Variants in ANKS1B observed in about 807,000 individuals in gnomAD.
ANKS1B encodes ankyrin repeat and sterile alpha motif domain containing 1B, also known as ankyrin repeat and sterile alpha motif domain-containing protein 1B.
A neutral mutation model predicts 148.3 loss-of-function variants in ANKS1B; 36 were observed. The observed-to-expected ratio is 0.24, with a 90% CI of 0.19 to 0.32. ANKS1B has a LOEUF of 0.32. Ranked by LOEUF, ANKS1B falls within the 10% of genes least tolerant of loss-of-function variation. The pLI is 1.00. For missense variants in ANKS1B, 1,157 were observed against 1,542.6 expected, an observed-to-expected ratio of 0.75 and a Z score of 4.19; for synonymous variants, 542 against 560.8, an observed-to-expected ratio of 0.97 and a Z score of 0.47.
At position 98,807,844 on chromosome 12, in the gene ANKS1B, A is replaced by G. The variant is rs1430398768; in HGVS notation, c.3141T>C (p.Asn1047=). The change falls in exon 20 of 27, where the codon AAT becomes AAC. Residue 1047 remains asparagine, a splice_region_variant and synonymous_variant. Coordinates refer to ENST00000683438, the MANE Select transcript of ANKS1B (RefSeq NM_001352186.2). ...AGAAAAGAACCATTTGTAACCTTAC[A>G]TTATGAACCTGATGGATCGCTGAGA... The part of the protein sequence containing the change: ...FPFSAIHQVH[N]TGDWGEPSIT... The G allele has an allele frequency of 3.1e-6, 5 of 1,613,040 alleles. No homozygotes were observed. The highest frequency in any genetic ancestry group is 4.2e-6 in the Non-Finnish European group (5 of 1,179,458).
At chr12:98,815,649 C>T (rs977969536) in intron 19 of ANKS1B, among the ~76,000 whole-genome samples, 2 of 152,160 alleles carry the variant, frequency 1.3e-5, no homozygotes, top group African/African-American at 4.8e-5. Flanking sequence ...CTGTGAGCTT[C>T]CTTGTTTTGG....
chr12:99,816,226 T>C (rs970162114), intron 2 of ANKS1B, among the ~76,000 whole-genome samples: 27 of 152,056 alleles, frequency 1.8e-4, no homozygotes, highest in Non-Finnish European at 2.1e-4. Flanking sequence ...TAATTTTTAT[T>C]TCCCTGATGA....
chr12:99,154,769 G>T, intron 14 of ANKS1B: 1 of 1,445,704 alleles, frequency 6.9e-7, no homozygotes, highest in Admixed American at 2.7e-5. Context: ...AGCAATGCAC[G>T]GCCGGCAGCC....
chr12:99,025,808 G>A (rs1456085564), intron 17 of ANKS1B, among the ~76,000 whole-genome samples: 1 of 152,234 alleles, frequency 6.6e-6, no homozygotes, highest in Non-Finnish European at 1.5e-5. Context: ...GGAAGTCAAA[G>A]AAGGAAATCC....
chr12:99,641,232 G>A (rs2098301021), intron 9 of ANKS1B, among the ~76,000 whole-genome samples: 1 of 152,174 alleles, frequency 6.6e-6, no homozygotes, highest in Non-Finnish European at 1.5e-5. Context: ...AGAGAATCTT[G>A]CATTTATATT....
intron 12 of ANKS1B, among the ~76,000 whole-genome samples, chr12:99,306,908 T>C (rs951524324): frequency 3.3e-5 from 5 of 152,122 alleles, no homozygotes; most frequent in Non-Finnish European, 7.4e-5. Context: ...TCTAGTGTTA[T>C]AGCCTCTGGA....
chr12:99,950,113 A>ATTTTTTTTTTTTTTTTT (rs35287842), intron 1 of ANKS1B, among the ~76,000 whole-genome samples: 9 of 90,542 alleles, frequency 9.9e-5, no homozygotes, highest in African/African-American at 4.5e-4. Flanking sequence ...TGCTCAGTTA[A>ATTTTTTTTTTTTTTTTT]TTTTTTTTTT....
At chr12:98,946,939 C>CAAAAAA (rs57197334) in intron 17 of ANKS1B, among the ~76,000 whole-genome samples, 1 of 41,556 alleles carries the variant, frequency 2.4e-5, no homozygotes, top group Non-Finnish European at 4.2e-5. Context: ...GATCTTTTCT[C>CAAAAAA]AAAAAAAAAA....
intron 17 of ANKS1B, among the ~76,000 whole-genome samples, chr12:98,966,352 C>A (rs2099877882): frequency 6.6e-6 from 1 of 152,108 alleles, no homozygotes; most frequent in Non-Finnish European, 1.5e-5. Flanking sequence ...TAATGAGATA[C>A]CATCTCACAC....
chr12:99,596,650 A>C (rs1301134950), intron 9 of ANKS1B, among the ~76,000 whole-genome samples: 1 of 151,922 alleles, frequency 6.6e-6, no homozygotes, highest in African/African-American at 2.4e-5. Context: ...CCAAAAAATA[A>C]ACTTTGTCTA....
At chr12:99,519,969 T>C (rs1056057225) in intron 9 of ANKS1B, among the ~76,000 whole-genome samples, 21 of 152,198 alleles carry the variant, frequency 1.4e-4, no homozygotes, top group African/African-American at 3.1e-4. Context: ...TTTAACTTTG[T>C]CTGCCTGCTT....
At chr12:99,556,841 T>C (rs2097281863) in intron 9 of ANKS1B, among the ~76,000 whole-genome samples, 1 of 152,154 alleles carries the variant, frequency 6.6e-6, no homozygotes, top group African/African-American at 2.4e-5. Flanking sequence ...CTTGAATTTG[T>C]TGAGAATTGT....
rs1003649113 is a variant in ANKS1B, at chr12:99,776,803, C to A, written c.848-1142G>T. ...CAAATAATTCTCCTGCCTCAGCCCC[C>A]CAAGCTAGCTGAGACTACAGATATG... On this transcript the variant is annotated intron_variant, in intron 6 of 26. Coordinates refer to ENST00000683438, the MANE Select transcript of ANKS1B (RefSeq NM_001352186.2). Among the ~76,000 whole-genome samples the A allele has an allele frequency of 1.2e-4, 18 of 152,194 alleles. 1 individual carries two copies. In the East Asian group the frequency reaches 1.5e-3, roughly 13 times the overall value.
rs187731899 is a variant in ANKS1B at position 98,920,026 on chromosome 12, G to T, written c.2779-87890C>A. On this transcript the variant is annotated intron_variant, in intron 17 of 26. Transcript: ENST00000683438. ...TACCATAACAAAGTACAGCAAATTG[G>T]GTGGCTTAAACAACAGACATTTGTT... Among the ~76,000 whole-genome samples the T allele has an allele frequency of 2.3e-3, 348 of 152,274 alleles. 3 individuals are homozygous for T. The highest frequency in any genetic ancestry group is 8.0e-3 in the African/African-American group (331 of 41,558).
intron 22 of ANKS1B, among the ~76,000 whole-genome samples, chr12:98,796,307 T>C (rs1417014529): frequency 6.6e-6 from 1 of 152,192 alleles, no homozygotes; most frequent in Non-Finnish European, 1.5e-5. Flanking sequence ...ATTAAAAGAA[T>C]AAACAGGTAA....
At chr12:98,844,167 C>T (rs927465372) in intron 17 of ANKS1B, among the ~76,000 whole-genome samples, 2 of 152,186 alleles carry the variant, frequency 1.3e-5, no homozygotes, top group African/African-American at 4.8e-5. Context: ...GGCATTTACT[C>T]TATATGCCTT....
At chr12:98,921,232 A>C (rs2099801014) in intron 17 of ANKS1B, among the ~76,000 whole-genome samples, 2 of 152,080 alleles carry the variant, frequency 1.3e-5, no homozygotes, top group South Asian at 4.2e-4. Context: ...AATTACCACA[A>C]GTTAGAGTAT....
intron 17 of ANKS1B, among the ~76,000 whole-genome samples, chr12:99,003,375 C>T (rs899001633): frequency 2.6e-5 from 4 of 151,942 alleles, no homozygotes; most frequent in South Asian, 2.1e-4. Context: ...AAAATGCCAT[C>T]GAGATTTTAA....
intron 17 of ANKS1B, chr12:98,976,760 G>C (rs572622423): frequency 1.3e-3 from 192 of 152,296 alleles, no homozygotes; most frequent in African/African-American, 4.4e-3. Flanking sequence ...ATGGAAGCAG[G>C]AAAGGGCATA....
Sources: gnomAD v4.1 joint callset for allele counts (sites outside exome capture counted in the v4.1 genomes callset) on GRCh38, gnomAD v4.1.1 for gene constraint, MANE v1.5 for transcripts, NCBI Gene and HGNC (gene_info 2026-07-23, HGNC 2026-07-21) for gene names.